NEGR1: variants seen among roughly 807,000 people sequenced by gnomAD.
The protein encoded by NEGR1 is neuronal growth regulator 1.
NEGR1 carries 10 observed loss-of-function variants against 40.9 expected under a neutral mutation model. The observed-to-expected ratio is 0.24, with a 90% CI of 0.15 to 0.42. The LOEUF (loss-of-function observed/expected upper bound fraction) is 0.42, where lower values mean the gene tolerates loss of function less well. Ranked by LOEUF, NEGR1 falls within the 10% of genes least tolerant of loss-of-function variation. The pLI is 1.00. For synonymous variants in NEGR1, 185 were observed against 166.8 expected, an observed-to-expected ratio of 1.11 and a Z score of -0.84; for missense variants, 352 against 438.9, an observed-to-expected ratio of 0.80 and a Z score of 1.77.
intron 2 of NEGR1, among the ~76,000 whole-genome samples, chr1:71,882,075 C>A (rs1348091070): frequency 6.6e-6 from 1 of 151,826 alleles, no homozygotes; most frequent in Admixed American, 6.6e-5. Flanking sequence ...ATGTTGCCTT[C>A]CTGTGAAATT....
intron 3 of NEGR1, among the ~76,000 whole-genome samples, chr1:71,772,040 C>T (rs951076575): frequency 3.3e-5 from 5 of 152,098 alleles, no homozygotes; most frequent in African/African-American, 1.2e-4. Flanking sequence ...TCAGACAACA[C>T]ACTGATTGAT....
At chr1:71,455,569 C>CA (rs1646666238) in intron 6 of NEGR1, among the ~76,000 whole-genome samples, 2 of 152,180 alleles carry the variant, frequency 1.3e-5, no homozygotes, top group Admixed American at 6.5e-5. Flanking sequence ...TACTAAAATA[C>CA]AAAAAATCAG....
At chr1:72,106,668 G>A (rs1211320305) in intron 1 of NEGR1, among the ~76,000 whole-genome samples, 1 of 151,804 alleles carries the variant, frequency 6.6e-6, no homozygotes, top group African/African-American at 2.4e-5. Flanking sequence ...TTTGACTAAG[G>A]AAGACAATAC....
intron 1 of NEGR1, among the ~76,000 whole-genome samples, chr1:72,121,647 T>C (rs1270025268): frequency 6.6e-6 from 1 of 151,982 alleles, no homozygotes; most frequent in African/African-American, 2.4e-5. Flanking sequence ...TATTTAAAAT[T>C]CATCAGGATA....
At chr1:71,579,836 A>G (rs1649078579) in intron 6 of NEGR1, among the ~76,000 whole-genome samples, 1 of 152,188 alleles carries the variant, frequency 6.6e-6, no homozygotes, top group Non-Finnish European at 1.5e-5. Flanking sequence ...CATAGAATTA[A>G]GACATTGCAA....
chr1:71,495,958 A>T (rs1553146270), intron 6 of NEGR1, among the ~76,000 whole-genome samples: 5 of 151,382 alleles, frequency 3.3e-5, no homozygotes, highest in Non-Finnish European at 2.9e-5. Context: ...TTCTTGCAAC[A>T]TTTTTTTTTG....
chr1:72,277,547 C>A (rs2100567562), intron 1 of NEGR1, among the ~76,000 whole-genome samples: 1 of 152,204 alleles, frequency 6.6e-6, no homozygotes, highest in East Asian at 1.9e-4. Context: ...TAGTTGTGTA[C>A]TAATGTATCA....
At chr1:71,989,620 G>A (rs574792055) in intron 1 of NEGR1, among the ~76,000 whole-genome samples, 348 of 151,990 alleles carry the variant, frequency 2.3e-3, no homozygotes, top group African/African-American at 8.0e-3. Context: ...TGCTTATTCT[G>A]TAACTTTTGG....
chr1:71,752,709 C>A (rs1001335499), intron 3 of NEGR1, among the ~76,000 whole-genome samples: 1 of 149,528 alleles, frequency 6.7e-6, no homozygotes, highest in Non-Finnish European at 1.5e-5. Context: ...ACTATGGAAT[C>A]AATCATTCAT....
chr1:71,826,526 C>T (rs1658632003), intron 2 of NEGR1, among the ~76,000 whole-genome samples: 1 of 151,720 alleles, frequency 6.6e-6, no homozygotes, highest in Non-Finnish European at 1.5e-5. Context: ...GAACAATTTG[C>T]AAATAACATG....
At chr1:71,672,334 T>A (rs1328456588) in intron 4 of NEGR1, among the ~76,000 whole-genome samples, 1 of 152,194 alleles carries the variant, frequency 6.6e-6, no homozygotes, top group African/African-American at 2.4e-5. Flanking sequence ...ACATGTGACA[T>A]CTTTGTAACA....
At chr1:72,007,027 T>C (rs1180559531) in intron 1 of NEGR1, among the ~76,000 whole-genome samples, 5 of 152,194 alleles carry the variant, frequency 3.3e-5, no homozygotes, top group Non-Finnish European at 7.4e-5. Flanking sequence ...TAAGGTCTAA[T>C]ACCATTCCTT....
chr1:71,513,937 C>T (rs959675682), intron 6 of NEGR1, among the ~76,000 whole-genome samples: 3 of 142,592 alleles, frequency 2.1e-5, no homozygotes, highest in Non-Finnish European at 3.1e-5. Flanking sequence ...AGGGAGTTCC[C>T]TTTCCGAGTC....
intron 1 of NEGR1, among the ~76,000 whole-genome samples, chr1:71,979,225 A>T (rs1303002213): frequency 6.6e-6 from 1 of 152,088 alleles, no homozygotes; most frequent in Admixed American, 6.6e-5. Context: ...GGGTGGGAGG[A>T]AGGAGAGGAA....
chr1:72,046,896 A>C (rs935771627), intron 1 of NEGR1, among the ~76,000 whole-genome samples: 1 of 151,668 alleles, frequency 6.6e-6, no homozygotes, highest in Non-Finnish European at 1.5e-5. Flanking sequence ...TATTGCAAGC[A>C]AACATATTAG....
intron 2 of NEGR1, among the ~76,000 whole-genome samples, chr1:71,883,585 T>A (rs967839143): frequency 6.6e-6 from 1 of 152,178 alleles, no homozygotes; most frequent in Non-Finnish European, 1.5e-5. Context: ...TTTCTTTTTT[T>A]ATTATTATAC....
chr1:72,021,527 AT>A (rs1379434741), intron 1 of NEGR1, among the ~76,000 whole-genome samples: 1 of 152,160 alleles, frequency 6.6e-6, no homozygotes, highest in Non-Finnish European at 1.5e-5. Flanking sequence ...GAGATAAGTC[AT>A]AAAAACCATA....
rs1362483692 is a variant in NEGR1, at chr1:71,406,835, A to C, written c.*611T>G. 2.0e-5 allele frequency: 3 copies of C among 152,500 alleles called. No homozygotes were observed. Among genetic ancestry groups the C allele is most frequent in the Non-Finnish European group, 4.4e-5 (3 of 67,950 alleles). 9.4% of individuals were successfully genotyped at this position (152,500 alleles called of 1,614,324 possible). A position where few individuals can be genotyped will look rare whatever the true frequency, so the allele number is the denominator to read the frequency against. ...GAGAAAAATATTATTGTATGAAGGC[A>C]CACCCATGCTGAACTTACAGGAAAG... is the stretch of plus-strand genomic sequence containing the variant. On this transcript the variant is annotated 3_prime_UTR_variant, in exon 7 of 7. Transcript: ENST00000357731.
At position 72,092,307 on chromosome 1, in the gene NEGR1, G is replaced by A. The variant is rs199837619; in HGVS notation, c.177-156996C>T. 2.0e-5 allele frequency among the ~76,000 whole-genome samples: 3 copies of A among 152,076 alleles called. No individual in the cohort carries two copies. In the East Asian group the frequency reaches 5.8e-4, roughly 29 times the overall value. ...TGGCAAAGTTTAATAGCAACTTTCA[G>A]TCTAGTCAATGTTCTCTCTCTACCA... On this transcript the variant is annotated intron_variant, in intron 1 of 6. Transcript: ENST00000357731.
Sources: allele counts gnomAD v4.1 joint callset (sites outside exome capture counted in the v4.1 genomes callset), GRCh38; gene constraint gnomAD v4.1.1; transcripts MANE v1.5; gene names NCBI Gene and HGNC (gene_info 2026-07-23, HGNC 2026-07-21).